Variants in NKAIN4 observed in about 807,000 individuals in gnomAD.
NKAIN4 encodes the protein sodium/potassium transporting ATPase interacting 4.
In NKAIN4, 28 loss-of-function variants were observed where a neutral mutation model predicts 28.8. The observed-to-expected ratio is 0.97, with a 90% CI of 0.72 to 1.33. The LOEUF (loss-of-function observed/expected upper bound fraction) is 1.33, where lower values mean the gene tolerates loss of function less well. Among genes scored for constraint, NKAIN4 ranks in the 40% most tolerant of loss-of-function variants. The pLI is 0.00. For synonymous variants in NKAIN4, 122 were observed against 115.6 expected (o/e 1.06, Z -0.36); for missense variants, 289 against 277.2 (o/e 1.04, Z -0.30).
intron 1 of NKAIN4, among the ~76,000 whole-genome samples, chr20:63,250,819 G>A (rs568544088): frequency 9.9e-5 from 15 of 152,202 alleles, no homozygotes; most frequent in African/African-American, 3.1e-4. Context: ...GGCACCACCC[G>A]TCACCAGCTC....
intron 4 of NKAIN4, chr20:63,246,754 T>A (rs1392102515): frequency 2.0e-6 from 2 of 985,046 alleles, no homozygotes; most frequent in African/African-American, 1.7e-5. Context: ...CCCGGAGCTC[T>A]TGAGGTGAAA....
chr20:63,254,177 G>A, intron 1 of NKAIN4: 1 of 427,444 alleles, frequency 2.3e-6, no homozygotes, highest in Non-Finnish European at 4.1e-6. Context: ...CGCCCCCCGC[G>A]CACGCACACC....
intron 5 of NKAIN4, among the ~76,000 whole-genome samples, chr20:63,242,859 C>T (rs1306615902): frequency 1.4e-5 from 2 of 145,376 alleles, no homozygotes; most frequent in Admixed American, 7.0e-5. Flanking sequence ...TGGGACAGCC[C>T]GGATCTTCAG....
intron 4 of NKAIN4, 40 bp from the exon 5 acceptor site, chr20:63,244,124 C>A (rs779528124): frequency 2.6e-5 from 41 of 1,565,740 alleles, no homozygotes; most frequent in Admixed American, 5.6e-5. Flanking sequence ...TGCGGCCAGG[C>A]GAGCCTGTGG....
intron 1 of NKAIN4, chr20:63,254,110 C>T (rs932913291): frequency 4.6e-6 from 2 of 438,564 alleles, no homozygotes; most frequent in Non-Finnish European, 8.5e-6. Context: ...GGCTTCCGTC[C>T]GGCCAGCCCA....
intron 2 of NKAIN4, 109 bp downstream of exon 2, chr20:63,249,825 TG>T: frequency 1.7e-6 from 2 of 1,181,686 alleles, no homozygotes; most frequent in Non-Finnish European, 2.4e-6. Flanking sequence ...TTGGCATTTG[TG>T]GGGTGTTCAG....
chr20:63,247,252 T>C, intron 4 of NKAIN4: 1 of 1,268,658 alleles, frequency 7.9e-7, no homozygotes, highest in African/African-American at 1.5e-5. Flanking sequence ...CCCCTCCTCC[T>C]TGGGGCCGTC....
rs1254876957 is a variant in NKAIN4 at position 63,252,144 on chromosome 20, CT to C, written c.55-2073del. Among the ~76,000 whole-genome samples the C allele has an allele frequency of 6.6e-6, 1 of 152,194 alleles. No individual in the cohort carries two copies. Among genetic ancestry groups the C allele is most frequent in the Non-Finnish European group, 1.5e-5 (1 of 68,026 alleles). ...TGCAGCACAGAGGGGCTGGGGGCGT[CT>C]TTTTCATCTCGAAGCCAAGGCTCCC... On this transcript the variant is annotated intron_variant, in intron 1 of 6. Coordinates refer to ENST00000370316, the MANE Select transcript of NKAIN4 (RefSeq NM_152864.4). This position sits in a 1 kb window ranked among gnomAD's most constrained non-coding sequence, Gnocchi z 4.6.
upstream of NKAIN4, chr20:63,254,881 T>G (rs2123149281): frequency 6.3e-6 from 1 of 159,612 alleles, no homozygotes; most frequent in Non-Finnish European, 1.4e-5. Context: ...CTTCCCCGTG[T>G]GGGGTCTGAG....
chr20:63,246,590 C>T (rs987815252), intron 4 of NKAIN4: 12 of 985,306 alleles, frequency 1.2e-5, no homozygotes, highest in African/African-American at 7.0e-5. Context: ...CGCCAGCCGC[C>T]GGCCATGGAG....
chr20:63,244,661 G>A, intron 4 of NKAIN4: 1 of 410,430 alleles, frequency 2.4e-6, no homozygotes, highest in South Asian at 1.8e-5. Context: ...CAGGCAGGGA[G>A]AGGGGAGGGA....
rs891181023 is a variant in NKAIN4, at chr20:63,245,887, G to A, written c.471+1691C>T. On this transcript the variant is annotated intron_variant, in intron 4 of 6. Transcript: ENST00000370316. The surrounding 1 kb of genome is among the most constrained non-coding windows in gnomAD (Gnocchi z 4.7). ...CCTCCAGCCTCGGCTCCCATAGCACGCCAGCCCCCTCCGAGAGACTCTTCA... is the reference window on the plus strand; with the variant it reads ...CCTCCAGCCTCGGCTCCCATAGCACACCAGCCCCCTCCGAGAGACTCTTCA... Among the ~76,000 whole-genome samples the A allele has an allele frequency of 9.3e-5, 14 of 150,838 alleles. No homozygotes were observed. The highest frequency in any genetic ancestry group is 1.8e-4 in the Non-Finnish European group (12 of 67,782).
intron 6 of NKAIN4, 146 bp from the exon 7 acceptor site, chr20:63,241,652 G>T: frequency 1.3e-6 from 1 of 750,084 alleles, no homozygotes; most frequent in Non-Finnish European, 2.4e-6. Context: ...GGAGATGGGT[G>T]GGACTGAGGC....
chr20:63,253,441 C>A (rs2066996060), intron 1 of NKAIN4: 11 of 985,404 alleles, frequency 1.1e-5, no homozygotes, highest in Non-Finnish European at 1.3e-5. Flanking sequence ...CCACGGACTC[C>A]GAGGGTTTCG....
At chr20:63,242,698 C>T (rs1317022317) in intron 5 of NKAIN4, 75 bp from the exon 6 acceptor site, 1 of 1,242,248 alleles carries the variant, frequency 8.0e-7, no homozygotes, top group Non-Finnish European at 1.2e-6. Context: ...ACAAGCCCAA[C>T]CAGACAAAGA....
rs561171938 is a variant in NKAIN4, at chr20:63,245,508, C to T, written c.472-1424G>A. 1.7e-4 allele frequency among the ~76,000 whole-genome samples: 26 copies of T among 152,202 alleles called. No individual in the cohort carries two copies. Among genetic ancestry groups the T allele is most frequent in the African/African-American group, 5.5e-4 (23 of 41,510 alleles). ...CCATGCTCCCCGCCCTGCACACCAC[C>T]GCCTCCTGCCCATCCTCCTGGCTCC... On this transcript the variant is annotated intron_variant, in intron 4 of 6. Coordinates refer to ENST00000370316, the MANE Select transcript of NKAIN4 (RefSeq NM_152864.4). The surrounding 1 kb of genome is among the most constrained non-coding windows in gnomAD (Gnocchi z 4.7).
At chr20:63,242,787 G>A (rs975192410) in intron 5 of NKAIN4, among the ~76,000 whole-genome samples, 164 bp from the exon 6 acceptor site, 16 of 97,494 alleles carry the variant, frequency 1.6e-4, no homozygotes, top group Non-Finnish European at 8.3e-5. Context: ...CTGGGGGGAC[G>A]GGGGGGGTGG....
intron 4 of NKAIN4, chr20:63,246,561 T>G (rs1276981423): frequency 1.0e-6 from 1 of 985,128 alleles, no homozygotes; most frequent in African/African-American, 1.7e-5. Context: ...GCTCCTTAGA[T>G]TTGGAATTCA....
chr20:63,249,974 G>C lies in NKAIN4; in HGVS notation c.153C>G (p.Leu51=). 6 of 1,613,460 alleles carry C rather than the reference G, an allele frequency of 3.7e-6. No homozygotes were observed. Among genetic ancestry groups the C allele is most frequent in the Non-Finnish European group, 5.1e-6 (6 of 1,179,948 alleles). The stretch of plus-strand genomic sequence containing the variant: ...GCAGCCGGTACTGGATGGTGCCGAA[G>C]AGTCCCAGGATGACGATGATGATGT... ...FVHIIIVILG[L]FGTIQYRLRY... The change falls in exon 2 of 7, where the codon CTC becomes CTG. Residue 51 remains leucine (L), a synonymous_variant. Coordinates refer to ENST00000370316, the MANE Select transcript of NKAIN4 (RefSeq NM_152864.4).
Sources: allele counts gnomAD v4.1 joint callset (sites outside exome capture counted in the v4.1 genomes callset), GRCh38; gene constraint gnomAD v4.1.1; non-coding constraint Gnocchi (gnomAD v3.1); transcripts MANE v1.5; gene names NCBI Gene and HGNC (gene_info 2026-07-23, HGNC 2026-07-21).